Variants in TENM3 observed in about 807,000 individuals in gnomAD.
The protein encoded by TENM3 is teneurin-3.
TENM3 carries 63 observed loss-of-function variants against 255.1 expected under a neutral mutation model. The observed-to-expected ratio is 0.25, with a 90% CI of 0.20 to 0.30. TENM3 has a LOEUF of 0.30. Ranked by LOEUF, TENM3 falls within the 10% of genes least tolerant of loss-of-function variation. TENM3 has a pLI of 1.00. For missense variants in TENM3, 2,929 were observed against 3,461.1 expected (o/e 0.85, Z 3.86); for synonymous variants, 1,306 against 1,322.3 (o/e 0.99, Z 0.27).
intron 3 of TENM3, among the ~76,000 whole-genome samples, chr4:182,597,953 G>A (rs1054759496): frequency 6.6e-6 from 1 of 152,180 alleles, no homozygotes; most frequent in Admixed American, 6.5e-5. Context: ...GCCAAGGCTG[G>A]AGGCTCACTT....
In TENM3 at chr4:182,784,543, A is replaced by G. The variant is rs550466681; in HGVS notation, c.5305-4550A>G. On this transcript the variant is annotated intron_variant, in intron 24 of 27. Coordinates refer to ENST00000511685, the MANE Select transcript of TENM3 (RefSeq NM_001080477.4). The stretch of plus-strand genomic sequence containing the variant: ...CCCTGCCCCCAGAGGTGGAGCCTAC[A>G]GAGGCAGGCAGGCCTCCTTGAGCTG... Among the ~76,000 whole-genome samples the G allele has an allele frequency of 4.6e-3, 692 of 152,004 alleles. 3 individuals carry two copies. Among genetic ancestry groups the G allele is most frequent in the African/African-American group, 0.016 (644 of 41,442 alleles).
At chr4:181,744,356 G>A in the TENM3 span, among the ~76,000 whole-genome samples, 1 of 152,268 alleles carries the variant, frequency 6.6e-6, no homozygotes, top group Non-Finnish European at 1.5e-5. Context: ...TAATGGGATT[G>A]CTTGGTCAAA....
chr4:181,625,360 C>T, the TENM3 span, among the ~76,000 whole-genome samples: 23 of 152,192 alleles, frequency 1.5e-4, no homozygotes, highest in African/African-American at 5.1e-4. Context: ...CTGAAAAATG[C>T]ATTTTCCATT....
chr4:182,746,697 A>G (rs1762034669), intron 19 of TENM3, among the ~76,000 whole-genome samples: 1 of 152,214 alleles, frequency 6.6e-6, no homozygotes, highest in Non-Finnish European at 1.5e-5. Flanking sequence ...GATCAATTAG[A>G]AAGCTGTTGC....
the TENM3 span, among the ~76,000 whole-genome samples, chr4:181,449,368 A>C: frequency 4.6e-5 from 7 of 152,254 alleles, no homozygotes; most frequent in East Asian, 1.4e-3. Context: ...GAATAGATTT[A>C]ATTTGGAGTT....
the TENM3 span, among the ~76,000 whole-genome samples, chr4:181,870,533 A>T: frequency 6.6e-6 from 1 of 152,020 alleles, no homozygotes; most frequent in Non-Finnish European, 1.5e-5. Flanking sequence ...TATCCTTATG[A>T]CTAATGATGC....
At chr4:181,616,516 A>G in the TENM3 span, among the ~76,000 whole-genome samples, 2 of 150,272 alleles carry the variant, frequency 1.3e-5, no homozygotes, top group Admixed American at 6.7e-5. Context: ...TTATAATAAT[A>G]TAATATCCAT....
chr4:181,941,855 T>C, the TENM3 span, among the ~76,000 whole-genome samples: 1 of 152,234 alleles, frequency 6.6e-6, no homozygotes, highest in Non-Finnish European at 1.5e-5. Flanking sequence ...GTCTCATGAA[T>C]TGGAATGAGA....
At chr4:182,526,618 A>T (rs903697292) in intron 3 of TENM3, among the ~76,000 whole-genome samples, 1 of 152,178 alleles carries the variant, frequency 6.6e-6, no homozygotes, top group African/African-American at 2.4e-5. Context: ...TGTAAACTCC[A>T]TGAAGGTCGA....
At chr4:182,507,374 C>T (rs1022119346) in intron 3 of TENM3, among the ~76,000 whole-genome samples, 1 of 152,222 alleles carries the variant, frequency 6.6e-6, no homozygotes. Flanking sequence ...GCCCTTATGC[C>T]ATTACTCTTG....
intron 3 of TENM3, among the ~76,000 whole-genome samples, chr4:182,549,531 A>G (rs1040695597): frequency 6.6e-5 from 10 of 152,162 alleles, no homozygotes; most frequent in African/African-American, 2.4e-4. Flanking sequence ...AGAGAGTTGG[A>G]AAGCAAATGT....
intron 3 of TENM3, among the ~76,000 whole-genome samples, chr4:182,473,666 T>G (rs879696439): frequency 8.8e-5 from 13 of 147,474 alleles, no homozygotes; most frequent in African/African-American, 3.3e-4. Flanking sequence ...GAGCGAGACT[T>G]CATCTAAAAA....
At chr4:181,995,391 T>C in the TENM3 span, among the ~76,000 whole-genome samples, 1 of 152,168 alleles carries the variant, frequency 6.6e-6, no homozygotes, top group Non-Finnish European at 1.5e-5. Flanking sequence ...AATTGTTCAA[T>C]AACAATGGGG....
the TENM3 span, among the ~76,000 whole-genome samples, chr4:181,683,367 G>A: frequency 6.6e-6 from 1 of 152,238 alleles, no homozygotes; most frequent in Non-Finnish European, 1.5e-5. Context: ...TCTAACCACT[G>A]TTCTAGGTGG....
chr4:181,824,457 C>T, the TENM3 span, among the ~76,000 whole-genome samples: 1 of 152,076 alleles, frequency 6.6e-6, no homozygotes, highest in South Asian at 2.1e-4. Context: ...TATTGTAAGA[C>T]AGTTCTCTCA....
At chr4:181,884,199 G>A in the TENM3 span, among the ~76,000 whole-genome samples, 1 of 152,062 alleles carries the variant, frequency 6.6e-6, no homozygotes, top group Non-Finnish European at 1.5e-5. Flanking sequence ...TTAGTTCAAG[G>A]TCTCCTGTCT....
At chr4:182,746,627 C>T (rs1490715464) in intron 19 of TENM3, among the ~76,000 whole-genome samples, 2 of 152,302 alleles carry the variant, frequency 1.3e-5, no homozygotes, top group African/African-American at 4.8e-5. Flanking sequence ...AAGTGGCACA[C>T]TCAAAGTGGC....
the TENM3 span, among the ~76,000 whole-genome samples, chr4:181,971,320 C>T: frequency 2.0e-5 from 3 of 151,946 alleles, no homozygotes; most frequent in Admixed American, 6.6e-5. Context: ...GTAGTAGGCT[C>T]TCAAAAATAT....
the TENM3 span, among the ~76,000 whole-genome samples, chr4:181,649,154 A>T: frequency 6.6e-6 from 1 of 152,288 alleles, no homozygotes; most frequent in East Asian, 1.9e-4. Context: ...GGAATTTTCC[A>T]ATCTTTGAAA....
Sources: gnomAD v4.1 joint callset for allele counts (sites outside exome capture counted in the v4.1 genomes callset) on GRCh38, gnomAD v4.1.1 for gene constraint, MANE v1.5 for transcripts, NCBI Gene and HGNC (gene_info 2026-07-23, HGNC 2026-07-21) for gene names.